Variants in RCC1L observed in about 807,000 individuals in gnomAD.
RCC1L encodes RCC1 like.
A neutral mutation model predicts 58.6 loss-of-function variants in RCC1L; 46 were observed. The ratio of observed to expected loss-of-function variants is 0.79; its 90% CI spans 0.62 to 1.00. The LOEUF (loss-of-function observed/expected upper bound fraction) is 1.00, where lower values mean the gene tolerates loss of function less well. Ranked by LOEUF, RCC1L falls within the 50% of genes least tolerant of loss-of-function variation. The pLI is 0.00. For synonymous variants in RCC1L, 281 were observed against 262.9 expected (o/e 1.07, Z -0.67); for missense variants, 636 against 623.6 (o/e 1.02, Z -0.21).
At chr7:75,059,215 A>AAAAG (rs1491285608) in intron 6 of RCC1L, among the ~76,000 whole-genome samples, 5 of 150,606 alleles carry the variant, frequency 3.3e-5, no homozygotes, top group Non-Finnish European at 7.4e-5. Context: ...AAAAAAAAAG[A>AAAAG]AAAGAAAGAA....
chr7:75,069,262 C>T (rs587697416), intron 2 of RCC1L, among the ~76,000 whole-genome samples: 6 of 152,176 alleles, frequency 3.9e-5, no homozygotes, highest in South Asian at 4.1e-4. Context: ...GCGCAATCAC[C>T]GCTCACTGCA....
chr7:75,062,485 G>A (rs1352352061), intron 5 of RCC1L, among the ~76,000 whole-genome samples: 1 of 152,252 alleles, frequency 6.6e-6, no homozygotes, highest in South Asian at 2.1e-4. Context: ...TCCAGCCTAG[G>A]CAACAGAATG....
intron 10 of RCC1L, among the ~76,000 whole-genome samples, chr7:75,031,537 G>C (rs1805306094): frequency 6.6e-6 from 1 of 151,908 alleles, no homozygotes; most frequent in Non-Finnish European, 1.5e-5. Flanking sequence ...AACGATGCTG[G>C]CTGGTGGCCG....
At chr7:75,043,984 G>C (rs1805640623) in intron 10 of RCC1L, among the ~76,000 whole-genome samples, 13 of 152,156 alleles carry the variant, frequency 8.5e-5, no homozygotes. Context: ...GTGTCTCAAA[G>C]ACCCTTGCCA....
At chr7:75,052,457 C>T (rs1018263543) in intron 10 of RCC1L, among the ~76,000 whole-genome samples, 1 of 152,208 alleles carries the variant, frequency 6.6e-6, no homozygotes, top group Non-Finnish European at 1.5e-5. Context: ...TGACCCAGCT[C>T]CTGCACCCCA....
At chr7:75,057,466 C>G (rs985681842) in intron 8 of RCC1L, 63 bp downstream of exon 8, 10 of 1,555,540 alleles carry the variant, frequency 6.4e-6, no homozygotes, top group Admixed American at 1.7e-5. Flanking sequence ...CCAATGGACA[C>G]TGACCACTCC....
intron 3 of RCC1L, 180 bp from the exon 4 acceptor site, chr7:75,064,828 G>GA (rs1806408266): frequency 2.9e-6 from 2 of 697,280 alleles, no homozygotes; most frequent in Admixed American, 4.4e-5. Flanking sequence ...GGGCATGGGG[G>GA]AATCTAGACC....
chr7:75,065,392 T>C (rs1174143117), intron 3 of RCC1L, among the ~76,000 whole-genome samples: 1 of 151,366 alleles, frequency 6.6e-6, no homozygotes, highest in Non-Finnish European at 1.5e-5. Context: ...CTGTCTCTAC[T>C]AAAAATACAA....
At chr7:75,051,614 T>G (rs1805918878) in intron 10 of RCC1L, among the ~76,000 whole-genome samples, 1 of 152,160 alleles carries the variant, frequency 6.6e-6, no homozygotes, top group South Asian at 2.1e-4. Flanking sequence ...GGTTTCATCA[T>G]GTTGGTCAGA....
Position 75,056,544 on chromosome 7 carries a change from T to A in RCC1L, c.1058-470A>T, listed in dbSNP as rs1463987193. 5 of 1,526,206 alleles carry A rather than the reference T, an allele frequency of 3.3e-6. No homozygotes were observed. The African/African-American group carries it at 6.9e-5, about 21-fold the overall frequency. The allele number at this position is 1,526,206 out of a possible 1,614,324, so 94.5% of individuals were successfully genotyped here. On this transcript the variant is annotated intron_variant, in intron 8 of 10. Coordinates refer to ENST00000610322, the MANE Select transcript of RCC1L (RefSeq NM_030798.5). ...TTATAGAAAGTTTAATATTCATCAG[T>A]GGTGCCAGATATTTCATCGTTATCC...
In RCC1L at chr7:75,068,035, G is replaced by A. The variant is rs115810749; in HGVS notation, c.455-1243C>T. Among the ~76,000 whole-genome samples, 438 of 151,876 alleles carry A rather than the reference G, an allele frequency of 2.9e-3. 1 individual carries two copies. Among genetic ancestry groups the A allele is most frequent in the African/African-American group, 9.6e-3 (396 of 41,440 alleles). ...GAATAAAAGGTATAAAAAATGTAACGCGGGCCGGGCACGGTGGGTCACGCC... is the reference window on the plus strand; with the variant it reads ...GAATAAAAGGTATAAAAAATGTAACACGGGCCGGGCACGGTGGGTCACGCC... On this transcript the variant is annotated intron_variant, in intron 2 of 10. Transcript: ENST00000610322.
At chr7:75,028,727 C>T (rs1417537756) in intron 10 of RCC1L, among the ~76,000 whole-genome samples, 1 of 152,180 alleles carries the variant, frequency 6.6e-6, no homozygotes, top group Admixed American at 6.6e-5. Context: ...GCTGACTCTG[C>T]ACCTCCTTCC....
chr7:75,037,377 C>T (rs1046454538), downstream of RCC1L, among the ~76,000 whole-genome samples: 3 of 150,678 alleles, frequency 2.0e-5, no homozygotes, highest in African/African-American at 4.9e-5. Flanking sequence ...AAAGTAGAGA[C>T]GGTGTTTCAC....
At chr7:75,058,436 G>T in intron 7 of RCC1L, 152 bp downstream of exon 7, 2 of 986,196 alleles carry the variant, frequency 2.0e-6, no homozygotes, top group Non-Finnish European at 3.0e-6. Context: ...TTGCCATGTT[G>T]CCCAGGCTGG....
intron 9 of RCC1L, among the ~76,000 whole-genome samples, chr7:75,053,815 G>A (rs1447838961): frequency 3.9e-5 from 6 of 152,172 alleles, no homozygotes; most frequent in Non-Finnish European, 7.3e-5. Context: ...GGCTGATGAA[G>A]TACGGAATAA....
chr7:75,055,851 A>G, intron 9 of RCC1L, 50 bp downstream of exon 9: 1 of 1,610,450 alleles, frequency 6.2e-7, no homozygotes, highest in Non-Finnish European at 8.5e-7. Context: ...AACTGGAGAC[A>G]GAGAACCTCT....
downstream of RCC1L, among the ~76,000 whole-genome samples, chr7:75,039,572 G>A (rs1457041910): frequency 6.6e-6 from 1 of 152,158 alleles, no homozygotes; most frequent in South Asian, 2.1e-4. Context: ...CTGCAGGGGC[G>A]AAGAGGATGG....
intron 4 of RCC1L, 36 bp from the exon 5 acceptor site, chr7:75,063,379 T>A: frequency 6.2e-7 from 1 of 1,611,890 alleles, no homozygotes; most frequent in Non-Finnish European, 8.5e-7. Flanking sequence ...AAGCAAGGGA[T>A]GCGGTCATGA....
chr7:75,055,915 A>G lies in RCC1L; in HGVS notation c.1217T>C (p.Phe406Ser). The change falls in exon 9 of 11, where the codon TTT becomes TCT. Residue 406 changes from phenylalanine (F) to serine (S), a missense_variant. Coordinates refer to ENST00000610322, the MANE Select transcript of RCC1L (RefSeq NM_030798.5). ...TGGTAACTTACTGGTCAGTGCAGCAAAGTGGCTGAGTCCACATCGGATGCG... is the reference window on the plus strand; with the variant it reads ...TGGTAACTTACTGGTCAGTGCAGCAGAGTGGCTGAGTCCACATCGGATGCG... ...VSRIRCGLSH[F>S]AALTNKGELF... The G allele has an allele frequency of 6.2e-7, 1 of 1,613,990 alleles. No homozygotes were observed. The highest frequency in any genetic ancestry group is 8.5e-7 in the Non-Finnish European group (1 of 1,179,870).
Sources: gnomAD v4.1 joint callset for allele counts (sites outside exome capture counted in the v4.1 genomes callset) on GRCh38, gnomAD v4.1.1 for gene constraint, MANE v1.5 for transcripts, NCBI Gene and HGNC (gene_info 2026-07-23, HGNC 2026-07-21) for gene names.